The following PTPN12 variants were observed in gnomAD, a reference collection of about 807,000 sequenced individuals.
PTPN12 encodes the protein tyrosine-protein phosphatase non-receptor type 12.
In PTPN12, 29 loss-of-function variants were observed where a neutral mutation model predicts 97.6. The ratio of observed to expected loss-of-function variants is 0.30; its 90% CI spans 0.22 to 0.41. The LOEUF is 0.41. Ranked by LOEUF, PTPN12 falls within the 10% of genes least tolerant of loss-of-function variation. The pLI is 1.00. For synonymous variants in PTPN12, 327 were observed against 300.4 expected, an observed-to-expected ratio of 1.09 and a Z score of -0.91; for missense variants, 819 against 926.0, an observed-to-expected ratio of 0.88 and a Z score of 1.50.
At chr7:77,561,780 TTAA>T (rs1554312365) in intron 1 of PTPN12, among the ~76,000 whole-genome samples, 45 of 151,570 alleles carry the variant, frequency 3.0e-4, no homozygotes, top group African/African-American at 9.9e-4. Flanking sequence ...AATTAATTAA[TTAA>T]TTTTATTTAT....
chr7:77,595,448 T>C (rs1787995104), intron 6 of PTPN12, among the ~76,000 whole-genome samples: 1 of 152,192 alleles, frequency 6.6e-6, no homozygotes, highest in African/African-American at 2.4e-5. Flanking sequence ...GGGTGAAGAC[T>C]GGTTAGCAGG....
intron 1 of PTPN12, among the ~76,000 whole-genome samples, chr7:77,564,881 C>A (rs1366961838): frequency 4.7e-5 from 7 of 148,260 alleles, no homozygotes; most frequent in African/African-American, 1.7e-4. Flanking sequence ...CCTCAGCCTT[C>A]CGAGTAGCTT....
At chr7:77,539,551 A>G (rs1806848197) in intron 1 of PTPN12, among the ~76,000 whole-genome samples, 1 of 152,228 alleles carries the variant, frequency 6.6e-6, no homozygotes, top group Admixed American at 6.5e-5. Flanking sequence ...TAGCAAAAGT[A>G]GAAGAAAATA....
At chr7:77,575,951 A>G (rs189714925) in intron 2 of PTPN12, among the ~76,000 whole-genome samples, 64 of 152,202 alleles carry the variant, frequency 4.2e-4, no homozygotes, top group African/African-American at 1.4e-3. Context: ...TCCCAGGTTC[A>G]TGAGATTCTC....
chr7:77,546,939 T>C (rs993476329), intron 1 of PTPN12, among the ~76,000 whole-genome samples: 1 of 152,338 alleles, frequency 6.6e-6, no homozygotes, highest in East Asian at 1.9e-4. Context: ...GGGATTATAA[T>C]TCAAGATGAG....
intron 11 of PTPN12, among the ~76,000 whole-genome samples, chr7:77,617,166 T>A (rs1321466241): frequency 6.6e-6 from 1 of 152,198 alleles, no homozygotes; most frequent in Non-Finnish European, 1.5e-5. Context: ...AGTCCTGATT[T>A]GCGTGAGGCA....
chr7:77,557,968 T>G (rs961070148), intron 1 of PTPN12, among the ~76,000 whole-genome samples: 2 of 152,036 alleles, frequency 1.3e-5, no homozygotes, highest in Non-Finnish European at 2.9e-5. Flanking sequence ...TCTAGCACTT[T>G]GGGAGGCTGA....
intron 11 of PTPN12, among the ~76,000 whole-genome samples, chr7:77,616,841 G>C (rs1406662272): frequency 6.6e-6 from 1 of 151,994 alleles, no homozygotes; most frequent in East Asian, 1.9e-4. Flanking sequence ...GGAGTGCAGA[G>C]ACACGATCTC....
In PTPN12 at chr7:77,627,016, G is replaced by A; in HGVS notation, c.1337G>A (p.Gly446Glu). Residue 446 changes from glycine (G) to glutamate (E), a missense_variant, in exon 13 of 18, where the codon GGA (glycine) becomes GAA (glutamate). Around this residue, in one of 5 missense-constraint regions of PTPN12, gnomAD observed 607 missense variants for 577.3 expected, o/e 1.05. Coordinates refer to ENST00000248594, the MANE Select transcript of PTPN12 (RefSeq NM_002835.4). ...ATTAAGAAGGTCCCTCTCCAAGAGG[G>A]ACCAAAAAGTTTTGATGGGAACACA... is the stretch of plus-strand genomic sequence containing the variant. Reference protein sequence around the residue: ...FEIKKVPLQEGPKSFDGNTLL... With the variant: ...FEIKKVPLQEEPKSFDGNTLL... 1 of 1,607,728 alleles carries A rather than the reference G, an allele frequency of 6.2e-7. No homozygotes were observed. Among genetic ancestry groups the A allele is most frequent in the Non-Finnish European group, 8.5e-7 (1 of 1,178,066 alleles).
At chr7:77,598,126 C>T (rs1193761030) in intron 7 of PTPN12, among the ~76,000 whole-genome samples, 1 of 152,070 alleles carries the variant, frequency 6.6e-6, no homozygotes. Flanking sequence ...ACTCAGAAGG[C>T]TGAGCCCGGG....
chr7:77,547,332 C>G (rs1807272052), intron 1 of PTPN12, among the ~76,000 whole-genome samples: 1 of 152,104 alleles, frequency 6.6e-6, no homozygotes, highest in Non-Finnish European at 1.5e-5. Context: ...CGGGACTTTT[C>G]CTGGGGGCAG....
At chr7:77,609,904 A>C (rs965401913) in intron 9 of PTPN12, among the ~76,000 whole-genome samples, 44 of 149,102 alleles carry the variant, frequency 3.0e-4, no homozygotes, top group Middle Eastern at 3.7e-3. Context: ...CAAAAAAAAA[A>C]CCCAAAAATC....
At chr7:77,616,927 C>T (rs1022470475) in intron 11 of PTPN12, among the ~76,000 whole-genome samples, 1 of 152,038 alleles carries the variant, frequency 6.6e-6, no homozygotes, top group South Asian at 2.1e-4. Flanking sequence ...GAATTACAGA[C>T]GTGCACCACC....
intron 1 of PTPN12, among the ~76,000 whole-genome samples, chr7:77,561,821 T>G (rs1055780090): frequency 9.9e-5 from 15 of 152,072 alleles, no homozygotes; most frequent in African/African-American, 3.6e-4. Flanking sequence ...AGACAGAGTC[T>G]TGCTCTGTCG....
chr7:77,638,835 A>G lies in PTPN12; in HGVS notation c.2281+104A>G, dbSNP rs963900617. 5.6e-6 allele frequency: 8 copies of G among 1,431,786 alleles called. No individual in the cohort carries two copies. In the African/African-American group the frequency reaches 1.0e-4, roughly 18 times the overall value. The allele number at this position is 1,431,786 out of a possible 1,614,324, so 88.7% of individuals were successfully genotyped here. On this transcript the variant is annotated intron_variant, in intron 17 of 17. Transcript: ENST00000248594. Reference sequence around the variant, plus strand: ...TGACACTTGCCAAGAATAAAACATGATTTTCCAAAGTTGCTTGGACTAGTC... The same window carrying G: ...TGACACTTGCCAAGAATAAAACATGGTTTTCCAAAGTTGCTTGGACTAGTC...
intron 1 of PTPN12, among the ~76,000 whole-genome samples, chr7:77,539,540 C>T (rs887774449): frequency 7.2e-5 from 11 of 151,980 alleles, no homozygotes; most frequent in African/African-American, 2.7e-4. Flanking sequence ...TTACTACTTT[C>T]TAGCAAAAGT....
intron 12 of PTPN12, among the ~76,000 whole-genome samples, chr7:77,625,472 G>GCTCGCTCGCTCGCTCTCTCTCT: frequency 3.0e-5 from 1 of 33,522 alleles, no homozygotes; most frequent in Non-Finnish European, 5.0e-5. Flanking sequence ...CAGGCTGCTC[G>GCTCGCTCGCTCGCTCTCTCTCT]CTCTCTCTCT....
At chr7:77,576,995 G>C (rs1445604107) in intron 2 of PTPN12, among the ~76,000 whole-genome samples, 1 of 152,198 alleles carries the variant, frequency 6.6e-6, no homozygotes, top group Non-Finnish European at 1.5e-5. Context: ...GGTTTGGTGT[G>C]TCATTGCTTT....
At chr7:77,577,601 T>A (rs1435337807) in intron 2 of PTPN12, among the ~76,000 whole-genome samples, 2 of 152,306 alleles carry the variant, frequency 1.3e-5, no homozygotes, top group African/African-American at 4.8e-5. Flanking sequence ...TTGTGCTTAT[T>A]ACATGCAATA....
Sources: gnomAD v4.1 joint callset for allele counts (sites outside exome capture counted in the v4.1 genomes callset) on GRCh38, gnomAD v4.1.1 for gene constraint, gnomAD v4.1.1 regional missense constraint, MANE v1.5 for transcripts, NCBI Gene and HGNC (gene_info 2026-07-23, HGNC 2026-07-21) for gene names.